NRG2: variants seen among roughly 807,000 people sequenced by gnomAD.
NRG2 encodes neuregulin 2, also known as pro-neuregulin-2, membrane-bound isoform.
NRG2 carries 27 observed loss-of-function variants against 73.9 expected under a neutral mutation model. The observed-to-expected ratio is 0.37, with a 90% CI of 0.27 to 0.50. The LOEUF (loss-of-function observed/expected upper bound fraction) is 0.50, where lower values mean the gene tolerates loss of function less well. Ranked by LOEUF, NRG2 falls within the 20% of genes least tolerant of loss-of-function variation. The pLI is 0.96. For missense variants in NRG2, 1,126 were observed against 1,210.1 expected (o/e 0.93, Z 1.03); for synonymous variants, 532 against 541.0 (o/e 0.98, Z 0.23).
chr5:139,879,483 G>A (rs971784670), intron 3 of NRG2, among the ~76,000 whole-genome samples: 3 of 152,202 alleles, frequency 2.0e-5, no homozygotes, highest in Admixed American at 2.0e-4. Context: ...CAGTAGGAAA[G>A]AATGAGGCCA....
intron 1 of NRG2, among the ~76,000 whole-genome samples, chr5:139,942,260 C>T (rs923774349): frequency 3.3e-5 from 5 of 152,180 alleles, no homozygotes; most frequent in Non-Finnish European, 7.4e-5. Context: ...GTTGACACCA[C>T]TGGTTCAATA....
intron 1 of NRG2, among the ~76,000 whole-genome samples, chr5:140,034,161 C>A (rs189428113): frequency 6.6e-6 from 1 of 152,268 alleles, no homozygotes; most frequent in African/African-American, 2.4e-5. Context: ...AGGATTTAAC[C>A]ATGTTAGCCA....
chr5:140,040,890 G>A lies in NRG2; in HGVS notation c.700+1480C>T, dbSNP rs114061541. On this transcript the variant is annotated intron_variant, in intron 1 of 9. Transcript: ENST00000361474. ...AGTCAACAATATTCCTAAGGATAAT[G>A]TCAGAGCGATAAACTGCTGTTATCC... is the stretch of plus-strand genomic sequence containing the variant. Among the ~76,000 whole-genome samples the A allele has an allele frequency of 7.1e-3, 1,076 of 152,292 alleles. 16 individuals carry two copies. Among genetic ancestry groups the A allele is most frequent in the African/African-American group, 0.023 (969 of 41,558 alleles).
intron 1 of NRG2, among the ~76,000 whole-genome samples, chr5:139,891,310 T>C (rs1160640844): frequency 6.6e-6 from 1 of 152,184 alleles, no homozygotes; most frequent in Non-Finnish European, 1.5e-5. Flanking sequence ...ATGGCCCTAA[T>C]TCAGAGGGCC....
intron 1 of NRG2, among the ~76,000 whole-genome samples, chr5:139,990,002 A>C (rs963337485): frequency 2.0e-5 from 3 of 151,162 alleles, no homozygotes; most frequent in South Asian, 2.1e-4. Flanking sequence ...GTTAGCCAGG[A>C]TGGTCTTGAT....
chr5:139,914,558 G>A (rs1751105550), intron 1 of NRG2, among the ~76,000 whole-genome samples: 1 of 152,074 alleles, frequency 6.6e-6, no homozygotes, highest in Non-Finnish European at 1.5e-5. Context: ...AAATTCCCCA[G>A]GACACTCCCA....
intron 1 of NRG2, among the ~76,000 whole-genome samples, chr5:139,936,610 T>A (rs1752869964): frequency 6.6e-6 from 1 of 152,146 alleles, no homozygotes; most frequent in Non-Finnish European, 1.5e-5. Context: ...CTATGCAAAC[T>A]ACTGCAGAAA....
intron 1 of NRG2, among the ~76,000 whole-genome samples, chr5:139,939,555 A>T (rs1019853554): frequency 2.6e-5 from 4 of 152,106 alleles, no homozygotes; most frequent in Admixed American, 1.3e-4. Context: ...GATTACAGGT[A>T]TGAGTCACCA....
At position 140,037,503 on chromosome 5, in the gene NRG2, A is replaced by G. The variant is rs562945934; in HGVS notation, c.700+4867T>C. Among the ~76,000 whole-genome samples the G allele has an allele frequency of 3.9e-5, 6 of 152,384 alleles. No homozygotes were observed. The South Asian group carries it at 1.2e-3, about 32-fold the overall frequency. ...AGAGGACTCAGAGATCACTGGAACT[A>G]GGTAGATAAGATCTTGGGCCAGGTT... is the stretch of plus-strand genomic sequence containing the variant. On this transcript the variant is annotated intron_variant, in intron 1 of 9. Coordinates refer to ENST00000361474, the MANE Select transcript of NRG2 (RefSeq NM_004883.3).
At chr5:139,848,763 GGGTGGGGTAGGGT>G in intron 9 of NRG2, 66 bp from the exon 10 acceptor site, 5 of 664,660 alleles carry the variant, frequency 7.5e-6, no homozygotes, top group East Asian at 8.0e-5. Context: ...GGGGGGTTGG[GGGTGGGGTAGGGT>G]GGGAGGGGCG....
At position 140,001,597 on chromosome 5, in the gene NRG2, C is replaced by T. The variant is rs181420584; in HGVS notation, c.700+40773G>A. 4.9e-3 allele frequency among the ~76,000 whole-genome samples: 742 copies of T among 151,666 alleles called. 3 individuals are homozygous for T. The highest frequency in any genetic ancestry group is 7.4e-3 in the Non-Finnish European group (506 of 67,942). On this transcript the variant is annotated intron_variant, in intron 1 of 9. Coordinates refer to ENST00000361474, the MANE Select transcript of NRG2 (RefSeq NM_004883.3). Reference sequence around the variant, plus strand: ...GAGATGTGAGCTGGGCTTGGTGGCTCATGTGTGTAATCCTAACACTTTGGC... The same window carrying T: ...GAGATGTGAGCTGGGCTTGGTGGCTTATGTGTGTAATCCTAACACTTTGGC...
Position 139,880,699 on chromosome 5 carries a change from T to G in NRG2, c.991+157A>C, listed in dbSNP as rs189852106. 9.2e-5 allele frequency among the ~76,000 whole-genome samples: 14 copies of G among 152,282 alleles called. No individual in the cohort carries two copies. In the East Asian group the frequency reaches 2.7e-3, roughly 29 times the overall value. ...AACATTTATGCTTCGACTGCATTTC[T>G]CTGAATCGGCTGAGATCTAGGGCTT... On this transcript the variant is annotated intron_variant, in intron 3 of 9. Transcript: ENST00000361474.
chr5:140,020,034 T>C (rs1257685531), intron 1 of NRG2, among the ~76,000 whole-genome samples: 1 of 152,218 alleles, frequency 6.6e-6, no homozygotes, highest in Admixed American at 6.5e-5. Flanking sequence ...ATTACAGGCA[T>C]GAGCCACCAT....
intron 1 of NRG2, among the ~76,000 whole-genome samples, chr5:140,016,060 G>C (rs981505305): frequency 6.6e-6 from 1 of 152,132 alleles, no homozygotes; most frequent in South Asian, 2.1e-4. Context: ...TCCTTATGCC[G>C]AAGTTATGGG....
intron 1 of NRG2, among the ~76,000 whole-genome samples, chr5:139,937,384 T>C (rs748563445): frequency 1.3e-5 from 2 of 152,166 alleles, no homozygotes; most frequent in Non-Finnish European, 2.9e-5. Flanking sequence ...AAAAATTAAA[T>C]GCTTTTCCCT....
rs1761829740 is a variant in NRG2, at chr5:139,856,719, T to C, written c.1190-941A>G. ...GTACACACCAGGAAACACCCAGGGC[T>C]ACAAACCCTCCAGACACACAGAGAT... On this transcript the variant is annotated intron_variant, in intron 5 of 9. Transcript: ENST00000361474. The surrounding 1 kb of genome is among the most constrained non-coding windows in gnomAD (Gnocchi z 4.2). Among the ~76,000 whole-genome samples the C allele has an allele frequency of 6.6e-6, 1 of 152,172 alleles. No homozygotes were observed. Among genetic ancestry groups the C allele is most frequent in the South Asian group, 2.1e-4 (1 of 4,834 alleles).
chr5:140,011,745 C>A (rs2126645516), intron 1 of NRG2, among the ~76,000 whole-genome samples: 1 of 152,238 alleles, frequency 6.6e-6, no homozygotes, highest in African/African-American at 2.4e-5. Flanking sequence ...TTGTGAAAGT[C>A]CCTAGACTGG....
At chr5:139,871,638 C>T (rs1762856868) in intron 4 of NRG2, 83 bp downstream of exon 4, 7 of 1,567,844 alleles carry the variant, frequency 4.5e-6, no homozygotes, top group Admixed American at 1.7e-5. Flanking sequence ...GCTTGGAACC[C>T]TCTTTTCCTA....
chr5:139,916,067 G>A (rs1013550111), intron 1 of NRG2, among the ~76,000 whole-genome samples: 7 of 152,190 alleles, frequency 4.6e-5, no homozygotes, highest in African/African-American at 9.7e-5. Flanking sequence ...ATCCAGCAGC[G>A]TCATGCAGGG....
Sources: allele counts gnomAD v4.1 joint callset (sites outside exome capture counted in the v4.1 genomes callset), GRCh38; gene constraint gnomAD v4.1.1; non-coding constraint Gnocchi (gnomAD v3.1); transcripts MANE v1.5; gene names NCBI Gene and HGNC (gene_info 2026-07-23, HGNC 2026-07-21).